The following ADAMTSL1 variants were observed in gnomAD, a reference collection of about 807,000 sequenced individuals.
ADAMTSL1 encodes the protein ADAMTS-like protein 1.
A neutral mutation model predicts 201.8 loss-of-function variants in ADAMTSL1; 126 were observed. That is an observed-to-expected ratio of 0.62 (90% confidence interval 0.54 to 0.72). The LOEUF is 0.72. Ranked by LOEUF, ADAMTSL1 falls within the 30% of genes least tolerant of loss-of-function variation. The pLI is 0.00. For missense variants in ADAMTSL1, 2,679 were observed against 2,277.8 expected (o/e 1.18, Z -3.59); for synonymous variants, 1,121 against 903.4 (o/e 1.24, Z -4.32).
intron 2 of ADAMTSL1, among the ~76,000 whole-genome samples, chr9:18,332,159 C>A (rs182468276): frequency 5.3e-5 from 8 of 152,242 alleles, no homozygotes; most frequent in African/African-American, 1.9e-4. Flanking sequence ...TATTATATAA[C>A]TACAAAAGGC....
intron 2 of ADAMTSL1, among the ~76,000 whole-genome samples, chr9:18,408,365 G>A (rs1034044796): frequency 6.6e-6 from 1 of 152,130 alleles, no homozygotes; most frequent in Middle Eastern, 3.2e-3. Flanking sequence ...CAGCGACTTG[G>A]GAGGCTGAGG....
At chr9:18,119,246 T>C (rs983958947) in intron 1 of ADAMTSL1, among the ~76,000 whole-genome samples, 1 of 152,174 alleles carries the variant, frequency 6.6e-6, no homozygotes, top group African/African-American at 2.4e-5. Context: ...CTAGACATTG[T>C]GATTTCTACC....
chr9:18,897,529 T>G (rs1200725543), intron 26 of ADAMTSL1, among the ~76,000 whole-genome samples: 2 of 152,198 alleles, frequency 1.3e-5, no homozygotes, highest in African/African-American at 4.8e-5. Context: ...GCTGCCATCT[T>G]TGCTGTTTTG....
rs148323345 is a variant in ADAMTSL1, at chr9:18,207,729, C to G, written c.207+43748C>G. On this transcript the variant is annotated intron_variant, in intron 2 of 29. Coordinates refer to the ADAMTSL1 transcript ENST00000680146. ...CTACTTTCTATTTTCTGTTTTTCAA[C>G]CTCTTGGAAAATTTTTATTTGGTTT... Among the ~76,000 whole-genome samples, 68 of 152,224 alleles carry G rather than the reference C, an allele frequency of 4.5e-4. 2 individuals are homozygous for G. In the East Asian group the frequency reaches 0.012, roughly 28 times the overall value.
At chr9:18,493,306 A>T (rs554380375) in intron 1 of ADAMTSL1, among the ~76,000 whole-genome samples, 9 of 152,182 alleles carry the variant, frequency 5.9e-5, no homozygotes, top group Non-Finnish European at 1.0e-4. Context: ...TTATCTATGT[A>T]TTGTACTAAT....
chr9:18,156,201 G>A (rs1208761562), intron 1 of ADAMTSL1, among the ~76,000 whole-genome samples: 3 of 152,002 alleles, frequency 2.0e-5, no homozygotes, highest in African/African-American at 7.2e-5. Context: ...AAACAACGAG[G>A]TGGGTTCAGA....
chr9:18,753,331 CA>C lies in ADAMTSL1; in HGVS notation c.2041del (p.Thr681HisfsTer21). 6.2e-7 allele frequency: 1 copy of C among 1,612,358 alleles called. No homozygotes were observed. Among genetic ancestry groups the C allele is most frequent in the Non-Finnish European group, 8.5e-7 (1 of 1,179,312 alleles). ...TTGGCAAGTGGAGTCCATGTAGTCT[CA>C]CATGTGGGGTCGGCCTACAGACCAG... ...EIGKWSPCSL[T>X]CGVGLQTRDV... is the part of the protein sequence containing the mutation. On this transcript the variant is annotated frameshift_variant, in exon 16 of 29. Transcript: ENST00000380548. LOFTEE classifies it high-confidence loss of function.
In ADAMTSL1 at chr9:18,279,938, C is replaced by A. The variant is rs150001163; in HGVS notation, c.207+115957C>A. Among the ~76,000 whole-genome samples the A allele has an allele frequency of 5.0e-3, 756 of 151,790 alleles. 8 individuals carry two copies. Among genetic ancestry groups the A allele is most frequent in the African/African-American group, 0.018 (728 of 41,410 alleles). On this transcript the variant is annotated intron_variant, in intron 2 of 29. Transcript: ENST00000680146. ...TGGATTATAAGAACAGACCTAGGTC[C>A]TCAATCCACGTGCTTGCCTAGAGCC...
chr9:18,126,330 A>G (rs922732891), intron 1 of ADAMTSL1, among the ~76,000 whole-genome samples: 1 of 152,028 alleles, frequency 6.6e-6, no homozygotes, highest in African/African-American at 2.4e-5. Context: ...CACTATTCCC[A>G]TTTCTCTTCC....
At chr9:18,516,425 C>G (rs1238240046) in intron 2 of ADAMTSL1, among the ~76,000 whole-genome samples, 1 of 152,124 alleles carries the variant, frequency 6.6e-6, no homozygotes, top group African/African-American at 2.4e-5. Flanking sequence ...ACTAATATAC[C>G]AACCTCAAAT....
intron 2 of ADAMTSL1, among the ~76,000 whole-genome samples, chr9:18,329,797 C>T (rs761745871): frequency 6.6e-6 from 1 of 152,196 alleles, no homozygotes; most frequent in Non-Finnish European, 1.5e-5. Flanking sequence ...TTCATTCATT[C>T]ATTCAGCAAC....
At chr9:18,289,029 T>C (rs1435711719) in intron 2 of ADAMTSL1, among the ~76,000 whole-genome samples, 1 of 152,124 alleles carries the variant, frequency 6.6e-6, no homozygotes, top group East Asian at 1.9e-4. Flanking sequence ...ATTATATGAG[T>C]CTAAGTTAGA....
chr9:18,680,521 CTG>C lies in ADAMTSL1; in HGVS notation c.1341+8_1341+9del, dbSNP rs1564144768. On this transcript the variant is annotated splice_donor_region_variant and intron_variant, in intron 11 of 28. Coordinates refer to ENST00000380548, the MANE Select transcript of ADAMTSL1 (RefSeq NM_001040272.6). ...CTGGCACAGGAGTGGTCTCCGGTAACTGTGCCTTCTTTCTTTGTTCATTAGGA... is the reference window on the plus strand; with the variant it reads ...CTGGCACAGGAGTGGTCTCCGGTAACTGCCTTCTTTCTTTGTTCATTAGGA... 9 of 1,614,030 alleles carry C rather than the reference CTG, an allele frequency of 5.6e-6. No individual in the cohort carries two copies. Among genetic ancestry groups the C allele is most frequent in the Non-Finnish European group, 7.6e-6 (9 of 1,179,926 alleles).
At chr9:18,629,980 GTTTT>G (rs199517334) in intron 5 of ADAMTSL1, among the ~76,000 whole-genome samples, 1 of 130,874 alleles carries the variant, frequency 7.6e-6, no homozygotes, top group Non-Finnish European at 1.6e-5. Flanking sequence ...AATATGTGCT[GTTTT>G]TTTTGTTTGT....
At chr9:17,970,486 T>C (rs575883016) in intron 1 of ADAMTSL1, among the ~76,000 whole-genome samples, 1 of 152,162 alleles carries the variant, frequency 6.6e-6, no homozygotes, top group African/African-American at 2.4e-5. Flanking sequence ...CCTGAGCCAC[T>C]TGGACAGCTT....
intron 1 of ADAMTSL1, among the ~76,000 whole-genome samples, chr9:18,013,812 G>C (rs183320240): frequency 3.3e-5 from 5 of 152,098 alleles, no homozygotes; most frequent in Non-Finnish European, 4.4e-5. Context: ...GATTTCTAGG[G>C]GGGGAGCTTC....
intron 21 of ADAMTSL1, among the ~76,000 whole-genome samples, chr9:18,824,430 G>A (rs555538266): frequency 1.3e-5 from 2 of 152,158 alleles, no homozygotes; most frequent in Non-Finnish European, 2.9e-5. Flanking sequence ...ATGTGACAAG[G>A]CTGTGGTATC....
chr9:18,205,332 G>T (rs1398636817), intron 2 of ADAMTSL1, among the ~76,000 whole-genome samples: 1 of 152,066 alleles, frequency 6.6e-6, no homozygotes, highest in African/African-American at 2.4e-5. Context: ...AAGTGAAAAT[G>T]AAAATACACA....
intron 1 of ADAMTSL1, among the ~76,000 whole-genome samples, chr9:17,916,526 G>A (rs911477024): frequency 1.3e-5 from 2 of 151,970 alleles, no homozygotes; most frequent in African/African-American, 2.4e-5. Flanking sequence ...TCGTTTTTTG[G>A]CCTATGGATG....
Sources: gnomAD v4.1 joint callset for allele counts (sites outside exome capture counted in the v4.1 genomes callset) on GRCh38, gnomAD v4.1.1 for gene constraint, MANE v1.5 for transcripts, NCBI Gene and HGNC (gene_info 2026-07-23, HGNC 2026-07-21) for gene names.